The following EYS variants were observed in gnomAD, a reference collection of about 807,000 sequenced individuals.
EYS encodes the protein EGF-like photoreceptor maintenance factor.
EYS carries 250 observed loss-of-function variants against 282.1 expected under a neutral mutation model. That is an observed-to-expected ratio of 0.89 (90% confidence interval 0.80 to 0.98). The LOEUF (loss-of-function observed/expected upper bound fraction) is 0.98, where lower values mean the gene tolerates loss of function less well. Among genes scored for constraint, EYS ranks in the 50% least tolerant of loss-of-function variants. EYS has a pLI of 0.00. For synonymous variants in EYS, 1,355 were observed against 1,282.9 expected, an observed-to-expected ratio of 1.06 and a Z score of -1.20; for missense variants, 4,016 against 3,709.0, an observed-to-expected ratio of 1.08 and a Z score of -2.15.
chr6:65,266,465 T>C (rs1310693012), intron 12 of EYS, among the ~76,000 whole-genome samples: 2 of 151,936 alleles, frequency 1.3e-5, no homozygotes. Flanking sequence ...TTACAAAGAT[T>C]TGTTGCATGC....
intron 37 of EYS, among the ~76,000 whole-genome samples, chr6:63,795,308 A>T (rs1343515524): frequency 6.6e-6 from 1 of 152,216 alleles, no homozygotes; most frequent in East Asian, 1.9e-4. Context: ...AATGGAAGCA[A>T]GGATTTAGTC....
chr6:64,181,629 T>A (rs978215910), intron 31 of EYS, among the ~76,000 whole-genome samples: 6 of 152,074 alleles, frequency 3.9e-5, no homozygotes, highest in African/African-American at 1.4e-4. Context: ...CACATAACAT[T>A]TCATTAGATT....
intron 30 of EYS, among the ~76,000 whole-genome samples, chr6:64,292,081 A>C (rs1377364707): frequency 1.3e-5 from 2 of 152,130 alleles, no homozygotes; most frequent in Non-Finnish European, 2.9e-5. Flanking sequence ...AGATTATGTC[A>C]GTAGTAAGCA....
At chr6:64,903,099 C>T (rs559577501) in intron 16 of EYS, among the ~76,000 whole-genome samples, 1 of 151,896 alleles carries the variant, frequency 6.6e-6, no homozygotes, top group African/African-American at 2.4e-5. Flanking sequence ...TCAGAAAAAA[C>T]CTGCATGATA....
intron 5 of EYS, among the ~76,000 whole-genome samples, chr6:65,447,303 T>C (rs1768700189): frequency 7.8e-6 from 1 of 128,816 alleles, no homozygotes; most frequent in South Asian, 2.5e-4. Context: ...TTTCTTTCTC[T>C]CTCTGTGTGT....
chr6:65,137,949 C>T (rs936749801), intron 12 of EYS, among the ~76,000 whole-genome samples: 1 of 151,754 alleles, frequency 6.6e-6, no homozygotes, highest in Non-Finnish European at 1.5e-5. Context: ...AATATCACAC[C>T]TTGGGCAGAA....
At chr6:64,804,004 G>C (rs949445591) in intron 22 of EYS, among the ~76,000 whole-genome samples, 1 of 152,172 alleles carries the variant, frequency 6.6e-6, no homozygotes, top group Admixed American at 6.5e-5. Flanking sequence ...AACCGACTTG[G>C]AAGGGGGCGT....
chr6:63,737,596 G>A (rs982922699), intron 41 of EYS, among the ~76,000 whole-genome samples: 1 of 148,994 alleles, frequency 6.7e-6, no homozygotes, highest in Admixed American at 6.8e-5. Flanking sequence ...GATGATGCTG[G>A]CCTCATAAAA....
chr6:63,801,244 G>A (rs776914171), intron 37 of EYS, among the ~76,000 whole-genome samples: 25 of 152,082 alleles, frequency 1.6e-4, no homozygotes, highest in Non-Finnish European at 2.9e-4. Context: ...GTGTGACAGA[G>A]AAGCCAGGAG....
chr6:65,360,135 T>C (rs1764643530), intron 8 of EYS, among the ~76,000 whole-genome samples: 1 of 151,984 alleles, frequency 6.6e-6, no homozygotes, highest in Non-Finnish European at 1.5e-5. Flanking sequence ...ATTGTTTTTA[T>C]GACGCCACCT....
intron 28 of EYS, among the ~76,000 whole-genome samples, chr6:64,391,584 T>C (rs967107517): frequency 1.3e-4 from 20 of 152,028 alleles, no homozygotes; most frequent in African/African-American, 4.8e-4. Context: ...CTGAGAGATT[T>C]TGTCACCACC....
intron 31 of EYS, among the ~76,000 whole-genome samples, chr6:64,171,640 T>C (rs1425307730): frequency 1.3e-5 from 2 of 152,084 alleles, no homozygotes; most frequent in Non-Finnish European, 2.9e-5. Context: ...AGTCTTCCAC[T>C]GCACGTAACA....
chr6:65,034,844 C>G (rs1265669367), intron 13 of EYS, among the ~76,000 whole-genome samples: 1 of 152,052 alleles, frequency 6.6e-6, no homozygotes, highest in Non-Finnish European at 1.5e-5. Flanking sequence ...AGAAAGGACC[C>G]CTTTCTAACT....
chr6:64,340,190 TAA>T (rs199515793), intron 29 of EYS, among the ~76,000 whole-genome samples: 1 of 140,458 alleles, frequency 7.1e-6, no homozygotes, highest in Non-Finnish European at 1.6e-5. Flanking sequence ...TGTGTGTGTG[TAA>T]AAAAAAAAAG....
Position 64,326,972 on chromosome 6 carries a change from G to A in EYS, c.6079-19890C>T, listed in dbSNP as rs114423963. 2.1e-3 allele frequency among the ~76,000 whole-genome samples: 312 copies of A among 152,142 alleles called. 1 individual carries two copies. Among genetic ancestry groups the A allele is most frequent in the African/African-American group, 7.0e-3 (291 of 41,514 alleles). On this transcript the variant is annotated intron_variant, in intron 29 of 42. Coordinates refer to ENST00000503581, the MANE Select transcript of EYS (RefSeq NM_001142800.2). ...AACACTGGGAGAGGCCCACTGACTC[G>A]GACAAAATTCACACCCTAACTGACA...
chr6:64,626,348 A>C, intron 22 of EYS, 103 bp from the exon 23 acceptor site: 20 of 1,371,996 alleles, frequency 1.5e-5, no homozygotes, highest in Non-Finnish European at 1.6e-5. Context: ...TCAGAGCTCC[A>C]ACAACATGTA....
At chr6:65,389,688 A>C (rs9345619) in intron 7 of EYS, among the ~76,000 whole-genome samples, 30,890 of 152,092 alleles carry the variant, frequency 0.2, 3,922 homozygotes, top group Non-Finnish European at 0.27. Flanking sequence ...GAAGAAATCA[A>C]AGAGTAATGT....
intron 2 of EYS, among the ~76,000 whole-genome samples, chr6:65,525,028 G>A (rs1328412184): frequency 1.3e-5 from 2 of 150,772 alleles, no homozygotes; most frequent in Non-Finnish European, 2.9e-5. Flanking sequence ...TTCCATCCTT[G>A]CCACCATGGC....
chr6:65,603,309 T>C (rs900819439), intron 2 of EYS, among the ~76,000 whole-genome samples: 23 of 151,844 alleles, frequency 1.5e-4, no homozygotes, highest in African/African-American at 5.6e-4. Context: ...TCTAACTATA[T>C]TCAAAAACAA....
Sources: allele counts gnomAD v4.1 joint callset (sites outside exome capture counted in the v4.1 genomes callset), GRCh38; gene constraint gnomAD v4.1.1; transcripts MANE v1.5; gene names NCBI Gene and HGNC (gene_info 2026-07-23, HGNC 2026-07-21).